ETFA: variants seen among roughly 807,000 people sequenced by gnomAD.
The protein encoded by ETFA is electron transfer flavoprotein subunit alpha, mitochondrial.
In ETFA, 22 loss-of-function variants were observed where a neutral mutation model predicts 46.2. That is an observed-to-expected ratio of 0.48 (90% confidence interval 0.34 to 0.68). The LOEUF (loss-of-function observed/expected upper bound fraction) is 0.68. Ranked by LOEUF, ETFA falls within the 30% of genes least tolerant of loss-of-function variation. ETFA has a pLI of 0.01. For missense variants in ETFA, 345 were observed against 401.1 expected (o/e 0.86, Z 1.19); for synonymous variants, 131 against 139.9 (o/e 0.94, Z 0.45).
At chr15:76,256,986 T>G (rs952656972) in intron 9 of ETFA, among the ~76,000 whole-genome samples, 5 of 152,210 alleles carry the variant, frequency 3.3e-5, no homozygotes, top group Admixed American at 3.3e-4. Context: ...TCTATGATGC[T>G]TACACAATAA....
At chr15:76,226,789 G>A (rs2142108808) in intron 10 of ETFA, among the ~76,000 whole-genome samples, 1 of 152,250 alleles carries the variant, frequency 6.6e-6, no homozygotes, top group African/African-American at 2.4e-5. Flanking sequence ...TGAGGCAGGA[G>A]AATGGCGTGA....
intron 11 of ETFA, among the ~76,000 whole-genome samples, chr15:76,224,547 C>T (rs544539381): frequency 1.3e-5 from 2 of 152,200 alleles, no homozygotes; most frequent in Non-Finnish European, 2.9e-5. Context: ...TACAAATGTA[C>T]TCTCCAAGCA....
At chr15:76,305,323 C>A (rs1347236736) in intron 1 of ETFA, among the ~76,000 whole-genome samples, 1 of 152,224 alleles carries the variant, frequency 6.6e-6, no homozygotes, top group Non-Finnish European at 1.5e-5. Context: ...ATCTACCTCT[C>A]TGGCACACAG....
At chr15:76,257,583 G>C (rs1342866836) in intron 9 of ETFA, among the ~76,000 whole-genome samples, 7 of 152,034 alleles carry the variant, frequency 4.6e-5, no homozygotes, top group Non-Finnish European at 8.8e-5. Flanking sequence ...CTGTAAACTA[G>C]TTCAACCATT....
chr15:76,238,278 G>A (rs1193211031), intron 9 of ETFA, among the ~76,000 whole-genome samples: 1 of 152,132 alleles, frequency 6.6e-6, no homozygotes, highest in Non-Finnish European at 1.5e-5. Flanking sequence ...AGCATTCAGA[G>A]CAGAAATACC....
In ETFA at chr15:76,225,767, T is replaced by C. The variant is rs2038998093; in HGVS notation, c.963+82A>G. The C allele has an allele frequency of 1.4e-5, 12 of 887,422 alleles. No individual in the cohort carries two copies. In the East Asian group the frequency reaches 2.4e-4, roughly 18 times the overall value. 55.0% of individuals were successfully genotyped at this position (887,422 alleles called of 1,614,324 possible). A position where few individuals can be genotyped will look rare whatever the true frequency, so the allele number is the denominator to read the frequency against. On this transcript the variant is annotated intron_variant, in intron 11 of 11. Transcript: ENST00000557943. ...CACACAAACACACAATGTTTTCTTT[T>C]AATAGCTTCATCCCTAACCATTTCT...
chr15:76,268,266 T>G (rs1475174132), intron 9 of ETFA, among the ~76,000 whole-genome samples: 9 of 151,236 alleles, frequency 6.0e-5, no homozygotes, highest in Non-Finnish European at 1.0e-4. Context: ...TTTGTACTTT[T>G]GCAGGAGATG....
At chr15:76,259,457 C>A in intron 9 of ETFA, 1 of 950,686 alleles carries the variant, frequency 1.1e-6, no homozygotes, top group East Asian at 2.4e-5. Flanking sequence ...ACTCTGGAAG[C>A]TGTTTCAGGT....
chr15:76,273,447 T>C (rs1567211560), intron 9 of ETFA, among the ~76,000 whole-genome samples: 2 of 152,028 alleles, frequency 1.3e-5, no homozygotes, highest in South Asian at 4.2e-4. Flanking sequence ...TCCCAGCCAC[T>C]TGGGAGGCTG....
At chr15:76,251,012 CTT>C (rs1294734018) in intron 9 of ETFA, among the ~76,000 whole-genome samples, 1 of 151,156 alleles carries the variant, frequency 6.6e-6, no homozygotes, top group African/African-American at 2.4e-5. Context: ...TATATATAAA[CTT>C]TTAAATAAAA....
At chr15:76,260,877 A>G (rs112834971) in intron 9 of ETFA, 285,975 of 1,505,130 alleles carry the variant, frequency 0.19, 47 homozygotes, top group Middle Eastern at 0.22. Flanking sequence ...GGGGGGCACA[A>G]GGACCACAAC....
At chr15:76,288,595 A>G (rs1273044549) in intron 4 of ETFA, among the ~76,000 whole-genome samples, 3 of 151,784 alleles carry the variant, frequency 2.0e-5, no homozygotes, top group Non-Finnish European at 4.4e-5. Flanking sequence ...AGTCCCAGCT[A>G]CTCAGGAGGC....
intron 1 of ETFA, among the ~76,000 whole-genome samples, chr15:76,296,712 G>T (rs1009998010): frequency 3.9e-5 from 6 of 152,158 alleles, no homozygotes; most frequent in African/African-American, 1.4e-4. Context: ...ATCTAATGCA[G>T]ACTATCAAGA....
In ETFA at chr15:76,247,848, A is replaced by G. The variant is rs572367540; in HGVS notation, c.817-16450T>C. 2.6e-5 allele frequency among the ~76,000 whole-genome samples: 4 copies of G among 152,336 alleles called. No individual in the cohort carries two copies. In the South Asian group the frequency reaches 6.2e-4, roughly 24 times the overall value. Reference sequence around the variant, plus strand: ...TTTTTACATGAACTGGGATTCTTATAAAAGTGTTTTAAGATTTTGTAATTG... The same window carrying G: ...TTTTTACATGAACTGGGATTCTTATGAAAGTGTTTTAAGATTTTGTAATTG... On this transcript the variant is annotated intron_variant, in intron 9 of 11. Transcript: ENST00000557943.
chr15:76,294,183 T>C (rs2039795737), intron 2 of ETFA, among the ~76,000 whole-genome samples: 1 of 152,226 alleles, frequency 6.6e-6, no homozygotes, highest in Non-Finnish European at 1.5e-5. Flanking sequence ...TTTCTCAAAG[T>C]AGTATAAAGT....
chr15:76,283,765 T>G lies in ETFA; in HGVS notation c.725A>C (p.His242Pro). 6.3e-7 allele frequency: 1 copy of G among 1,595,564 alleles called. No homozygotes were observed. The highest frequency in any genetic ancestry group is 8.6e-7 in the Non-Finnish European group (1 of 1,163,276). Residue 242 changes from histidine (H) to proline (P), a missense_variant, in exon 8 of 12, where the codon CAT (histidine) becomes CCT (proline). His to Pro is a moderately conservative substitution (Grantham distance 77, BLOSUM62 -2). Transcript: ENST00000557943. ...AAGGAAAATAACTTTACCTGCAGCA[T>G]GTAGTTGATCTGCCAAGTCATATAA... ...KLLYDLADQL[H>P]AAVGASRAAV...
chr15:76,268,069 T>A (rs2039490353), intron 9 of ETFA, among the ~76,000 whole-genome samples: 1 of 151,916 alleles, frequency 6.6e-6, no homozygotes, highest in Admixed American at 6.6e-5. Context: ...CTATGCCTTC[T>A]GTTAATCAGA....
chr15:76,264,301 G>A (rs1408695939), intron 9 of ETFA, among the ~76,000 whole-genome samples: 1 of 152,246 alleles, frequency 6.6e-6, no homozygotes, highest in Non-Finnish European at 1.5e-5. Flanking sequence ...GGCTGAGGAA[G>A]CTCAAACTCA....
chr15:76,260,746 C>G lies in ETFA; in HGVS notation c.816+13666G>C. ...AGGTTTTGGGGAGCGCTGGCTGGGG[C>G]TAGACCCTTGGTCTGAAAGGGCACC... On this transcript the variant is annotated intron_variant, in intron 9 of 11. Coordinates refer to ENST00000557943, the MANE Select transcript of ETFA (RefSeq NM_000126.4). The G allele has an allele frequency of 1.9e-6, 3 of 1,605,856 alleles. No individual in the cohort carries two copies. The South Asian group carries it at 3.3e-5, about 18-fold the overall frequency.
Sources: allele counts gnomAD v4.1 joint callset (sites outside exome capture counted in the v4.1 genomes callset), GRCh38; gene constraint gnomAD v4.1.1; transcripts MANE v1.5; gene names NCBI Gene and HGNC (gene_info 2026-07-23, HGNC 2026-07-21).